Variants in CORO1C observed in about 807,000 individuals in gnomAD.
CORO1C encodes the protein coronin 1C, also known as coronin-1C.
A neutral mutation model predicts 51.2 loss-of-function variants in CORO1C; 14 were observed. The ratio of observed to expected loss-of-function variants is 0.27; its 90% CI spans 0.18 to 0.43. The LOEUF is 0.43. Among genes scored for constraint, CORO1C ranks in the 20% least tolerant of loss-of-function variants. CORO1C has a pLI of 1.00. For missense variants in CORO1C, 417 were observed against 607.8 expected, an observed-to-expected ratio of 0.69 and a Z score of 3.30; for synonymous variants, 181 against 210.5, an observed-to-expected ratio of 0.86 and a Z score of 1.21.
At chr12:108,698,785 C>T (rs867678138) in intron 2 of CORO1C, among the ~76,000 whole-genome samples, 2 of 152,346 alleles carry the variant, frequency 1.3e-5, no homozygotes, top group South Asian at 2.1e-4. Context: ...GACACATCCA[C>T]GTCCCACTAC....
intron 2 of CORO1C, among the ~76,000 whole-genome samples, chr12:108,688,888 G>A (rs1049094450): frequency 7.2e-5 from 11 of 152,212 alleles, no homozygotes; most frequent in Non-Finnish European, 1.3e-4. Context: ...AAATTAGCCC[G>A]TTGTGGTGGC....
chr12:108,716,634 A>G (rs951781482), intron 1 of CORO1C, among the ~76,000 whole-genome samples: 2 of 152,196 alleles, frequency 1.3e-5, no homozygotes, highest in African/African-American at 4.8e-5. Flanking sequence ...ACCCAGCTAG[A>G]TCATTTTGGT....
At chr12:108,714,214 C>T (rs2035263965) in intron 1 of CORO1C, among the ~76,000 whole-genome samples, 1 of 151,834 alleles carries the variant, frequency 6.6e-6, no homozygotes, top group Non-Finnish European at 1.5e-5. Context: ...CATAGTGAAA[C>T]CCCATCTCTA....
intron 1 of CORO1C, among the ~76,000 whole-genome samples, chr12:108,722,049 G>A (rs184459159): frequency 4.6e-5 from 7 of 152,248 alleles, no homozygotes; most frequent in Non-Finnish European, 7.4e-5. Flanking sequence ...GCCTCCTTAC[G>A]TGGGGTCTGC....
intron 1 of CORO1C, among the ~76,000 whole-genome samples, chr12:108,719,606 T>C (rs552788588): frequency 6.6e-6 from 1 of 152,328 alleles, no homozygotes; most frequent in South Asian, 2.1e-4. Flanking sequence ...AGGCCTGCCC[T>C]ATGATTTCTC....
At chr12:108,681,243 A>G (rs2034113494) in intron 2 of CORO1C, among the ~76,000 whole-genome samples, 2 of 152,248 alleles carry the variant, frequency 1.3e-5, no homozygotes, top group African/African-American at 4.8e-5. Context: ...ATTTAAATAG[A>G]CAAACCAAAA....
intron 2 of CORO1C, among the ~76,000 whole-genome samples, chr12:108,698,021 C>T (rs2034744605): frequency 6.6e-6 from 1 of 152,158 alleles, no homozygotes; most frequent in Non-Finnish European, 1.5e-5. Context: ...GCTACTGATG[C>T]CTGGTAACCA....
chr12:108,658,909 A>AG lies in CORO1C; in HGVS notation c.458_459insC (p.Ala154CysfsTer49). 1 of 1,606,934 alleles carries AG rather than the reference A, an allele frequency of 6.2e-7. No individual in the cohort carries two copies. ...TTCCCACATTCCAGATGATAATGGCATTATCACAGCCTAAAACAGGCAAAA... is the reference window on the plus strand; with the variant it reads ...TTCCCACATTCCAGATGATAATGGCAGTTATCACAGCCTAAAACAGGCAAAA... On this transcript the variant is annotated frameshift_variant, in exon 5 of 11. Transcript: ENST00000261401. LOFTEE classifies it high-confidence loss of function. This position sits in a 1 kb window ranked among gnomAD's most constrained non-coding sequence, Gnocchi z 4.9.
At chr12:108,674,563 A>AC (rs2033838220) in intron 3 of CORO1C, among the ~76,000 whole-genome samples, 1 of 152,088 alleles carries the variant, frequency 6.6e-6, no homozygotes, top group Non-Finnish European at 1.5e-5. Context: ...AAAAAAAAAA[A>AC]AAAAAAAAAC....
chr12:108,694,150 T>C (rs1300211490), intron 2 of CORO1C, among the ~76,000 whole-genome samples: 1 of 151,868 alleles, frequency 6.6e-6, no homozygotes, highest in Non-Finnish European at 1.5e-5. Flanking sequence ...GGCATGATGG[T>C]ACACACCCGT....
chr12:108,724,070 A>C (rs571495254), intron 1 of CORO1C, among the ~76,000 whole-genome samples: 1 of 152,342 alleles, frequency 6.6e-6, no homozygotes, highest in Non-Finnish European at 1.5e-5. Context: ...AAGTTTCCTA[A>C]AAATGCATCT....
At position 108,647,256 on chromosome 12, in the gene CORO1C, T is replaced by C. The variant is rs765431915; in HGVS notation, c.*147A>G. 9 of 625,614 alleles carry C rather than the reference T, an allele frequency of 1.4e-5. No individual in the cohort carries two copies. The highest frequency in any genetic ancestry group is 2.4e-5 in the Non-Finnish European group (9 of 378,912). 38.8% of individuals were successfully genotyped at this position (625,614 alleles called of 1,614,324 possible). A position where few individuals can be genotyped will look rare whatever the true frequency, so the allele number is the denominator to read the frequency against. On this transcript the variant is annotated 3_prime_UTR_variant, in exon 11 of 11. Coordinates refer to ENST00000261401, the MANE Select transcript of CORO1C (RefSeq NM_014325.4). Reference sequence around the variant, plus strand: ...GACAAATTGAGTTCTTACTGGAATGTGGCCTATCGCTGGTTGACAAATCTG... The same window carrying C: ...GACAAATTGAGTTCTTACTGGAATGCGGCCTATCGCTGGTTGACAAATCTG...
chr12:108,710,179 G>A (rs1254715879), intron 1 of CORO1C, among the ~76,000 whole-genome samples: 1 of 152,154 alleles, frequency 6.6e-6, no homozygotes, highest in African/African-American at 2.4e-5. Flanking sequence ...TTGAGACAAT[G>A]CAGGAATAGG....
At chr12:108,676,801 G>C (rs1187849032) in intron 3 of CORO1C, among the ~76,000 whole-genome samples, 2 of 151,836 alleles carry the variant, frequency 1.3e-5, no homozygotes, top group Non-Finnish European at 2.9e-5. Flanking sequence ...CTGGCATCAG[G>C]TCTAAACGAT....
Position 108,646,029 on chromosome 12 carries a change from G to A in CORO1C, c.*1374C>T, listed in dbSNP as rs1156612441. 1 of 152,254 alleles carries A rather than the reference G, an allele frequency of 6.6e-6. No homozygotes were observed. The highest frequency in any genetic ancestry group is 1.5e-5 in the Non-Finnish European group (1 of 68,072). 9.4% of individuals were successfully genotyped at this position (152,254 alleles called of 1,614,324 possible). ...ACGCAGCCTTGGTGAGAGATGGAGA[G>A]GCAGGGCAGGTTAGTTGTGCGGAGG... On this transcript the variant is annotated 3_prime_UTR_variant, in exon 11 of 11. Transcript: ENST00000261401.
intron 1 of CORO1C, among the ~76,000 whole-genome samples, chr12:108,724,891 T>C (rs1011958616): frequency 6.6e-6 from 1 of 152,184 alleles, no homozygotes; most frequent in Admixed American, 6.5e-5. Flanking sequence ...AAGATCCAAA[T>C]GACAGGCCTA....
Position 108,655,003 on chromosome 12 carries a change from C to A in CORO1C, c.751-593G>T, listed in dbSNP as rs146653832. Among the ~76,000 whole-genome samples the A allele has an allele frequency of 6.3e-3, 964 of 152,160 alleles. 6 individuals are homozygous for A. The highest frequency in any genetic ancestry group is 9.9e-3 in the Non-Finnish European group (676 of 67,998). ...TTACAGGAATGGCCACTGCGCCTAC[C>A]CTATTTTATTTTTTTAAAGTACTTC... On this transcript the variant is annotated intron_variant, in intron 6 of 10. Coordinates refer to ENST00000261401, the MANE Select transcript of CORO1C (RefSeq NM_014325.4).
At chr12:108,691,528 A>G (rs1428007566) in intron 2 of CORO1C, among the ~76,000 whole-genome samples, 1 of 152,202 alleles carries the variant, frequency 6.6e-6, no homozygotes, top group East Asian at 1.9e-4. Context: ...CCTGCTTAGC[A>G]CAGACTGGCA....
At chr12:108,682,947 G>T (rs1038856182) in intron 2 of CORO1C, among the ~76,000 whole-genome samples, 1 of 152,138 alleles carries the variant, frequency 6.6e-6, no homozygotes, top group Non-Finnish European at 1.5e-5. Flanking sequence ...ATAACAGAAT[G>T]AAAGTTAAAA....
Sources: gnomAD v4.1 joint callset for allele counts (sites outside exome capture counted in the v4.1 genomes callset) on GRCh38, gnomAD v4.1.1 for gene constraint, Gnocchi (gnomAD v3.1) non-coding constraint, MANE v1.5 for transcripts, NCBI Gene and HGNC (gene_info 2026-07-23, HGNC 2026-07-21) for gene names.